The following EPHA6 variants were observed in gnomAD, a reference collection of about 807,000 sequenced individuals.
EPHA6 encodes the protein ephrin type-A receptor 6.
EPHA6 carries 50 observed loss-of-function variants against 112.0 expected under a neutral mutation model. The ratio of observed to expected loss-of-function variants is 0.45; its 90% CI spans 0.36 to 0.56. EPHA6 has a LOEUF of 0.56. Ranked by LOEUF, EPHA6 falls within the 20% of genes least tolerant of loss-of-function variation. The pLI is 0.00. For synonymous variants in EPHA6, 529 were observed against 490.7 expected, an observed-to-expected ratio of 1.08 and a Z score of -1.03; for missense variants, 1,280 against 1,417.4, an observed-to-expected ratio of 0.90 and a Z score of 1.56.
At chr3:96,872,195 T>C (rs1369606001) in intron 2 of EPHA6, among the ~76,000 whole-genome samples, 1 of 152,128 alleles carries the variant, frequency 6.6e-6, no homozygotes, top group African/African-American at 2.4e-5. Context: ...CTTTCTCTTA[T>C]AATCATTTGC....
intron 2 of EPHA6, among the ~76,000 whole-genome samples, chr3:96,923,900 G>C (rs1054153147): frequency 3.9e-5 from 6 of 152,058 alleles, no homozygotes; most frequent in Non-Finnish European, 8.8e-5. Flanking sequence ...TTTCCCCATT[G>C]CTTGTTTTAG....
intron 3 of EPHA6, among the ~76,000 whole-genome samples, chr3:97,142,335 A>G (rs919005800): frequency 6.6e-6 from 1 of 151,990 alleles, no homozygotes; most frequent in Non-Finnish European, 1.5e-5. Context: ...TGTTTATGTA[A>G]AATTTAATGA....
chr3:97,001,670 C>CTGGAAATGGTAGTCTCAGTTTTA (rs2107905665), intron 3 of EPHA6, among the ~76,000 whole-genome samples: 1 of 151,972 alleles, frequency 6.6e-6, no homozygotes, highest in African/African-American at 2.4e-5. Flanking sequence ...AATATTATTA[C>CTGGAAATGGTAGTCTCAGTTTTA]TGGAAATGGT....
Position 96,916,237 on chromosome 3 carries a change from A to T in EPHA6, c.450+49348A>T, listed in dbSNP as rs189778980. On this transcript the variant is annotated intron_variant, in intron 2 of 17. Transcript: ENST00000389672. The stretch of plus-strand genomic sequence containing the variant: ...TTACCTTTTGATTTAGGATTTTGGG[A>T]CAGAGCCTTTGGAAAGTGATCAACG... Among the ~76,000 whole-genome samples, 3 of 152,262 alleles carry T rather than the reference A, an allele frequency of 2.0e-5. No homozygotes were observed. In the East Asian group the frequency reaches 5.8e-4, roughly 29 times the overall value.
intron 11 of EPHA6, among the ~76,000 whole-genome samples, chr3:97,539,853 C>T (rs1046505635): frequency 6.6e-6 from 1 of 152,136 alleles, no homozygotes; most frequent in Non-Finnish European, 1.5e-5. Context: ...GATTGAGATG[C>T]TTGTGAATGC....
At chr3:97,129,009 G>A (rs985269397) in intron 3 of EPHA6, among the ~76,000 whole-genome samples, 1 of 151,496 alleles carries the variant, frequency 6.6e-6, no homozygotes, top group Non-Finnish European at 1.5e-5. Context: ...AAATAGCTGG[G>A]ACTACAGGTG....
At chr3:97,532,635 C>T in intron 11 of EPHA6, 92 bp downstream of exon 11, 1 of 1,020,484 alleles carries the variant, frequency 9.8e-7, no homozygotes, top group Non-Finnish European at 1.4e-6. Context: ...ATACCACAGT[C>T]ATTAAAGGAA....
intron 10 of EPHA6, among the ~76,000 whole-genome samples, chr3:97,521,143 T>C (rs897386586): frequency 1.3e-5 from 2 of 152,016 alleles, no homozygotes; most frequent in African/African-American, 4.8e-5. Context: ...CTGTGTTCTA[T>C]TGTATCTCAT....
chr3:97,156,428 C>G (rs572314667), intron 3 of EPHA6, among the ~76,000 whole-genome samples: 231 of 152,180 alleles, frequency 1.5e-3, no homozygotes, highest in African/African-American at 5.3e-3. Flanking sequence ...TGTGCTATAT[C>G]TTATCTGTAA....
At chr3:96,856,245 T>TAA (rs531650866) in intron 1 of EPHA6, among the ~76,000 whole-genome samples, 6 of 146,546 alleles carry the variant, frequency 4.1e-5, no homozygotes, top group Middle Eastern at 7.1e-3. Context: ...TCTCATAAAT[T>TAA]AAAAAAAAAA....
intron 5 of EPHA6, among the ~76,000 whole-genome samples, chr3:97,364,575 A>C (rs1002000105): frequency 6.6e-6 from 1 of 152,058 alleles, no homozygotes; most frequent in South Asian, 2.1e-4. Flanking sequence ...AGTATGCAAA[A>C]CAGTTACAAT....
At chr3:97,673,785 A>G (rs1457349626) in intron 14 of EPHA6, among the ~76,000 whole-genome samples, 2 of 152,248 alleles carry the variant, frequency 1.3e-5, no homozygotes, top group Admixed American at 1.3e-4. Flanking sequence ...CTCATGCCCC[A>G]GTATAGCAGG....
At chr3:97,389,647 A>G (rs2086285177) in intron 5 of EPHA6, among the ~76,000 whole-genome samples, 1 of 152,184 alleles carries the variant, frequency 6.6e-6, no homozygotes. Context: ...CTTAGAAATT[A>G]ATTTAGAACA....
intron 5 of EPHA6, among the ~76,000 whole-genome samples, chr3:97,295,780 T>C (rs1523770): frequency 0.22 from 34,147 of 151,946 alleles, 9,023 homozygotes; most frequent in African/African-American, 0.63. Context: ...TTTATTTATT[T>C]GACTATACAC....
At chr3:97,129,147 G>A (rs1323800778) in intron 3 of EPHA6, among the ~76,000 whole-genome samples, 2 of 151,874 alleles carry the variant, frequency 1.3e-5, no homozygotes, top group East Asian at 1.9e-4. Flanking sequence ...GTGAGCCACC[G>A]TACTCATTAG....
intron 10 of EPHA6, among the ~76,000 whole-genome samples, chr3:97,497,613 C>T (rs2092013480): frequency 6.6e-6 from 1 of 152,098 alleles, no homozygotes; most frequent in Admixed American, 6.6e-5. Context: ...TTAAACACTA[C>T]TTGGCATGTG....
chr3:96,968,899 A>G (rs1045233161), intron 2 of EPHA6, among the ~76,000 whole-genome samples: 4 of 151,916 alleles, frequency 2.6e-5, no homozygotes, highest in African/African-American at 9.7e-5. Context: ...TAAGTTTATT[A>G]TGCTGTCTTT....
At chr3:96,927,223 G>A (rs1039313739) in intron 2 of EPHA6, among the ~76,000 whole-genome samples, 1 of 152,146 alleles carries the variant, frequency 6.6e-6, no homozygotes, top group Non-Finnish European at 1.5e-5. Context: ...TAGGATGCAG[G>A]GCTCCAAGTC....
At chr3:97,098,192 T>G (rs1406615254) in intron 3 of EPHA6, among the ~76,000 whole-genome samples, 1 of 151,924 alleles carries the variant, frequency 6.6e-6, no homozygotes, top group Admixed American at 6.6e-5. Flanking sequence ...GTCATGTAGC[T>G]AGCAAGTGCT....
Sources: gnomAD v4.1 joint callset for allele counts (sites outside exome capture counted in the v4.1 genomes callset) on GRCh38, gnomAD v4.1.1 for gene constraint, MANE v1.5 for transcripts, NCBI Gene and HGNC (gene_info 2026-07-23, HGNC 2026-07-21) for gene names.